The following RPTOR variants were observed in gnomAD, a reference collection of about 807,000 sequenced individuals.
The protein encoded by RPTOR is regulatory-associated protein of mTOR.
A neutral mutation model predicts 169.9 loss-of-function variants in RPTOR; 21 were observed. The observed-to-expected ratio is 0.12, with a 90% confidence interval of 0.09 to 0.18. The LOEUF is 0.18. Among genes scored for constraint, RPTOR ranks in the 10% least tolerant of loss-of-function variants. The probability of loss-of-function intolerance (pLI) is 1.00; values close to 1 mark genes in which losing one functional copy is unlikely to be tolerated. For synonymous variants in RPTOR, 732 were observed against 753.2 expected (o/e 0.97, Z 0.46); for missense variants, 1,133 against 1,855.9 (o/e 0.61, Z 7.16).
chr17:80,891,819 C>T lies in RPTOR; in HGVS notation c.2083C>T (p.Pro695Ser). The change falls in exon 18 of 34, where the codon CCT becomes TCT. Residue 695 changes from proline to serine, a missense_variant. Physicochemically the swap from Pro to Ser is moderately conservative, Grantham distance 74. This residue lies in a region of RPTOR where 150 missense variants were observed against 206.4 expected (regional missense o/e 0.73). Transcript: ENST00000306801. Reference protein sequence around the residue: ...FIEEEKNYALPSPATTEGGSL... With the variant: ...FIEEEKNYALSSPATTEGGSL... ...AGAAGAGGAAAAGAACTACGCCTTG[C>T]CTTCTCCAGCAACCACAGGTATGGC... 3 of 1,613,146 alleles carry T rather than the reference C, an allele frequency of 1.9e-6. No homozygotes were observed. Among genetic ancestry groups the T allele is most frequent in the Non-Finnish European group, 2.5e-6 (3 of 1,179,224 alleles).
At position 80,730,449 on chromosome 17, in the gene RPTOR, C is replaced by A; in HGVS notation, c.508-111C>A. ...TTTTGTATAAAGGCTAACTCAGCGT[C>A]TCTCCAGCCACCAGGCTCAATGTGT... is the stretch of plus-strand genomic sequence containing the variant. On this transcript the variant is annotated intron_variant, in intron 4 of 33. Transcript: ENST00000306801. This position sits in a 1 kb window ranked among gnomAD's most constrained non-coding sequence, Gnocchi z 4.2. 8.1e-7 allele frequency: 1 copy of A among 1,242,074 alleles called. No homozygotes were observed. The highest frequency in any genetic ancestry group is 1.1e-6 in the Non-Finnish European group (1 of 869,630). The allele number at this position is 1,242,074 out of a possible 1,614,324, so 76.9% of individuals were successfully genotyped here.
chr17:80,887,226 C>G, intron 17 of RPTOR, among the ~76,000 whole-genome samples: 1 of 147,598 alleles, frequency 6.8e-6, no homozygotes, highest in East Asian at 2.0e-4. Context: ...TGTGCTGACT[C>G]TGGGGGGTGC....
At position 80,947,422 on chromosome 17, in the gene RPTOR, T is replaced by C. The variant is rs2069117080; in HGVS notation, c.3265+71T>C. ...GAGTGGCGGGGAGGGTGTGTGATCC[T>C]GAGATGTGTTTGTACATCTGTCTTA... On this transcript the variant is annotated intron_variant, in intron 27 of 33. Transcript: ENST00000306801. This position sits in a 1 kb window ranked among gnomAD's most constrained non-coding sequence, Gnocchi z 4.4. The C allele has an allele frequency of 6.9e-7, 1 of 1,454,976 alleles. No homozygotes were observed. The highest frequency in any genetic ancestry group is 9.1e-7 in the Non-Finnish European group (1 of 1,103,102). 90.1% of individuals were successfully genotyped at this position (1,454,976 alleles called of 1,614,324 possible). A position where few individuals can be genotyped will look rare whatever the true frequency, so the allele number is the denominator to read the frequency against.
chr17:80,782,997 C>T (rs2066956886), intron 6 of RPTOR, among the ~76,000 whole-genome samples: 1 of 152,172 alleles, frequency 6.6e-6, no homozygotes, highest in Non-Finnish European at 1.5e-5. Context: ...TGGAAGCTTG[C>T]TGTGTGTTGT....
chr17:80,958,201 C>T (rs1330451773), intron 29 of RPTOR, among the ~76,000 whole-genome samples: 1 of 39,594 alleles, frequency 2.5e-5, no homozygotes, highest in Non-Finnish European at 5.9e-5. Context: ...CACCTCACCC[C>T]CCCCCCCCAC....
intron 1 of RPTOR, among the ~76,000 whole-genome samples, chr17:80,592,892 C>T (rs936361191): frequency 5.3e-5 from 8 of 152,214 alleles, no homozygotes; most frequent in Admixed American, 2.6e-4. Flanking sequence ...TGATGGCGGG[C>T]GCAATGGCGG....
chr17:80,600,288 GT>G (rs34752209), intron 1 of RPTOR, among the ~76,000 whole-genome samples: 30,534 of 152,086 alleles, frequency 0.2, 3,195 homozygotes, highest in East Asian at 0.27. Context: ...GCCACCAAGT[GT>G]TTTTAAAGAA....
intron 3 of RPTOR, among the ~76,000 whole-genome samples, chr17:80,697,725 G>A (rs1008346201): frequency 3.9e-5 from 6 of 152,220 alleles, no homozygotes; most frequent in Admixed American, 3.9e-4. Flanking sequence ...CAGAGGGCTC[G>A]CAGGTGGTGC....
chr17:80,691,687 G>A (rs2065993264), intron 3 of RPTOR, among the ~76,000 whole-genome samples: 1 of 152,196 alleles, frequency 6.6e-6, no homozygotes, highest in African/African-American at 2.4e-5. Context: ...CCCTAGGCCT[G>A]AAATCAGCCA....
At chr17:80,782,329 A>C (rs908114012) in intron 6 of RPTOR, among the ~76,000 whole-genome samples, 1 of 152,192 alleles carries the variant, frequency 6.6e-6, no homozygotes, top group Non-Finnish European at 1.5e-5. Flanking sequence ...GAAAGATATA[A>C]TGGTGGGTCA....
At chr17:80,862,820 G>C (rs961385101) in intron 13 of RPTOR, among the ~76,000 whole-genome samples, 3 of 152,148 alleles carry the variant, frequency 2.0e-5, no homozygotes, top group African/African-American at 7.2e-5. Context: ...GTACAGACGG[G>C]TCCACCTGTG....
chr17:80,880,447 C>G lies in RPTOR; in HGVS notation c.1542C>G (p.Gly514=). 1 of 1,613,796 alleles carries G rather than the reference C, an allele frequency of 6.2e-7. No homozygotes were observed. The highest frequency in any genetic ancestry group is 8.5e-7 in the Non-Finnish European group (1 of 1,180,010). The change falls in exon 14 of 34, where the codon GGC becomes GGG. Residue 514 remains glycine, a synonymous_variant. Coordinates refer to ENST00000306801, the MANE Select transcript of RPTOR (RefSeq NM_020761.3). ...SCQADLVKDN[G]HKYFLSVLAD... ...AAGCGGACCTCGTGAAGGACAACGG[C>G]CACAAGTACTTCCTGTCGGTCCTGG...
chr17:80,744,353 TAGCACTGTCCTGGTTACG>T (rs1335738382), intron 5 of RPTOR, among the ~76,000 whole-genome samples: 11 of 117,652 alleles, frequency 9.3e-5, no homozygotes, highest in Non-Finnish European at 1.9e-4. Context: ...CCCTGGCTAC[TAGCACTGTCCTGGTTACG>T]AGCACAGCCC....
chr17:80,741,415 C>T (rs1416899271), intron 5 of RPTOR, among the ~76,000 whole-genome samples: 1 of 152,018 alleles, frequency 6.6e-6, no homozygotes, highest in Non-Finnish European at 1.5e-5. Flanking sequence ...ATCTGGGGTT[C>T]GTTGTGAAGG....
rs538920798 is a variant in RPTOR at position 80,714,216 on chromosome 17, C to T, written c.507+6217C>T. 2.6e-5 allele frequency among the ~76,000 whole-genome samples: 4 copies of T among 152,286 alleles called. No homozygotes were observed. The South Asian group carries it at 6.2e-4, about 24-fold the overall frequency. ...TCGGCCTCCTAAAGTGCTGGGATTA[C>T]GGATGTGAGCCACCGTGCCTGGCCC... On this transcript the variant is annotated intron_variant, in intron 4 of 33. Transcript: ENST00000306801.
rs531811127 is a variant in RPTOR at position 80,717,712 on chromosome 17, A to G, written c.507+9713A>G. ...AGATTTAAAAACATTTAAACATGCTAGTTTTAACTATACTTTTCTTTTTGT... is the reference window on the plus strand; with the variant it reads ...AGATTTAAAAACATTTAAACATGCTGGTTTTAACTATACTTTTCTTTTTGT... On this transcript the variant is annotated intron_variant, in intron 4 of 33. Transcript: ENST00000306801. 9.0e-4 allele frequency among the ~76,000 whole-genome samples: 137 copies of G among 152,364 alleles called. 1 individual carries two copies. Among genetic ancestry groups the G allele is most frequent in the Middle Eastern group, 3.4e-3 (1 of 294 alleles).
At chr17:80,711,896 G>A (rs551770074) in intron 4 of RPTOR, among the ~76,000 whole-genome samples, 3 of 151,594 alleles carry the variant, frequency 2.0e-5, no homozygotes, top group South Asian at 2.1e-4. Context: ...GGCGCCCGCC[G>A]CCACGCCCGG....
Position 80,913,599 on chromosome 17 carries a change from C to T in RPTOR, c.2520+4670C>T, listed in dbSNP as rs139819212. 7.3e-3 allele frequency among the ~76,000 whole-genome samples: 1,116 copies of T among 152,150 alleles called. 20 individuals are homozygous for T. The highest frequency in any genetic ancestry group is 0.026 in the African/African-American group (1,060 of 41,496). On this transcript the variant is annotated intron_variant, in intron 21 of 33. Coordinates refer to ENST00000306801, the MANE Select transcript of RPTOR (RefSeq NM_020761.3). ...TCCCAAGTAGCTGGGACTACAGGGGCGCACCACCATGCCTAGCTAATTTTC... is the reference window on the plus strand; with the variant it reads ...TCCCAAGTAGCTGGGACTACAGGGGTGCACCACCATGCCTAGCTAATTTTC...
chr17:80,825,720 C>T (rs1242063979), intron 9 of RPTOR, among the ~76,000 whole-genome samples: 2 of 152,238 alleles, frequency 1.3e-5, no homozygotes, highest in East Asian at 1.9e-4. Context: ...TCACTGTGGA[C>T]ACTCCGGCTT....
Sources: allele counts gnomAD v4.1 joint callset (sites outside exome capture counted in the v4.1 genomes callset), GRCh38; gene constraint gnomAD v4.1.1; regional missense constraint gnomAD v4.1.1; non-coding constraint Gnocchi (gnomAD v3.1); transcripts MANE v1.5; gene names NCBI Gene and HGNC (gene_info 2026-07-23, HGNC 2026-07-21).